The following FAM184B variants were observed in gnomAD, a reference collection of about 807,000 sequenced individuals.
FAM184B encodes the protein family with sequence similarity 184 member B.
FAM184B carries 111 observed loss-of-function variants against 135.9 expected under a neutral mutation model. The observed-to-expected ratio is 0.82, with a 90% CI of 0.70 to 0.96. FAM184B has a LOEUF of 0.96. Ranked by LOEUF, FAM184B falls within the 40% of genes least tolerant of loss-of-function variation. The pLI, the probability that FAM184B is intolerant of heterozygous loss-of-function variation, is 0.00. For synonymous variants in FAM184B, 552 were observed against 524.8 expected (o/e 1.05, Z -0.71); for missense variants, 1,375 against 1,323.9 (o/e 1.04, Z -0.60).
chr4:17,732,400 T>G (rs1468813067), intron 1 of FAM184B, among the ~76,000 whole-genome samples: 3 of 152,176 alleles, frequency 2.0e-5, no homozygotes, highest in African/African-American at 7.2e-5. Flanking sequence ...ATCCAGGAGC[T>G]GGTTTTTTGA....
intron 8 of FAM184B, 45 bp from the exon 9 acceptor site, chr4:17,660,132 G>C: frequency 6.5e-7 from 1 of 1,545,502 alleles, no homozygotes; most frequent in Non-Finnish European, 8.7e-7. Context: ...CCTAGGGCTA[G>C]GAATGACACT....
At chr4:17,710,055 G>A (rs1357701392) in intron 1 of FAM184B, among the ~76,000 whole-genome samples, 1 of 152,144 alleles carries the variant, frequency 6.6e-6, no homozygotes, top group Non-Finnish European at 1.5e-5. Flanking sequence ...GCCAGGTGCG[G>A]TGGCTCACGG....
chr4:17,688,959 C>T (rs759594666), intron 6 of FAM184B, among the ~76,000 whole-genome samples: 34 of 152,134 alleles, frequency 2.2e-4, no homozygotes, highest in Non-Finnish European at 4.6e-4. Flanking sequence ...TCCAAAAGGG[C>T]TGGGATTATA....
Position 17,707,610 on chromosome 4 carries a change from C to A in FAM184B, c.1030+39G>T, listed in dbSNP as rs202010283. ...AGCACCAGACCAACCTGGCAGCTAACCTTGGGTCTTTTAAGGAAATCATTC... is the reference window on the plus strand; with the variant it reads ...AGCACCAGACCAACCTGGCAGCTAAACTTGGGTCTTTTAAGGAAATCATTC... On this transcript the variant is annotated intron_variant, in intron 3 of 17. Coordinates refer to ENST00000265018, the MANE Select transcript of FAM184B (RefSeq NM_015688.2). The A allele has an allele frequency of 2.0e-3, 3,033 of 1,549,226 alleles. 76 individuals carry two copies. In the South Asian group the frequency reaches 0.031, roughly 16 times the overall value.
intron 7 of FAM184B, among the ~76,000 whole-genome samples, chr4:17,673,723 A>G (rs528341899): frequency 6.6e-6 from 1 of 152,196 alleles, no homozygotes; most frequent in Non-Finnish European, 1.5e-5. Flanking sequence ...ATGATGATGC[A>G]AAGGCATAAG....
chr4:17,720,717 C>A (rs748439150), intron 1 of FAM184B, among the ~76,000 whole-genome samples: 3 of 151,572 alleles, frequency 2.0e-5, no homozygotes, highest in Non-Finnish European at 4.4e-5. Context: ...GAAACCCCGT[C>A]TCTACTAAAA....
intron 13 of FAM184B, among the ~76,000 whole-genome samples, chr4:17,641,073 G>A (rs980100846): frequency 8.5e-5 from 13 of 152,094 alleles, no homozygotes; most frequent in African/African-American, 1.4e-4. Context: ...AGCCGGGACT[G>A]CAGGCATGCA....
At chr4:17,709,759 G>A in intron 1 of FAM184B, 115 bp from the exon 2 acceptor site, 8 of 968,250 alleles carry the variant, frequency 8.3e-6, no homozygotes, top group Non-Finnish European at 1.1e-5. Context: ...TGGCACCTGA[G>A]AAGAGGATTT....
intron 7 of FAM184B, among the ~76,000 whole-genome samples, chr4:17,665,305 G>A (rs545588601): frequency 1.3e-5 from 2 of 152,266 alleles, no homozygotes; most frequent in African/African-American, 4.8e-5. Flanking sequence ...TTAACAATGA[G>A]GCTTCTGAAT....
intron 1 of FAM184B, among the ~76,000 whole-genome samples, chr4:17,755,173 A>C (rs572254927): frequency 6.6e-6 from 1 of 152,288 alleles, no homozygotes; most frequent in South Asian, 2.1e-4. Context: ...ATTCTTTTAT[A>C]CCTCAATTTG....
At chr4:17,659,907 G>A in intron 9 of FAM184B, 51 bp downstream of exon 9, 5 of 1,541,568 alleles carry the variant, frequency 3.2e-6, no homozygotes, top group Non-Finnish European at 4.4e-6. Flanking sequence ...TTGTAAAAAG[G>A]AGGGGGCAGG....
At chr4:17,731,141 C>T (rs905072230) in intron 1 of FAM184B, among the ~76,000 whole-genome samples, 2 of 152,126 alleles carry the variant, frequency 1.3e-5, no homozygotes, top group Non-Finnish European at 2.9e-5. Context: ...GATTTTGTCA[C>T]CACCAGGTCT....
At chr4:17,681,559 A>G (rs889875539) in intron 7 of FAM184B, among the ~76,000 whole-genome samples, 11 of 152,180 alleles carry the variant, frequency 7.2e-5, no homozygotes, top group Non-Finnish European at 1.6e-4. Flanking sequence ...AGGATGTCAC[A>G]GTTGTTTAAG....
intron 7 of FAM184B, among the ~76,000 whole-genome samples, chr4:17,672,376 G>T (rs1393630401): frequency 6.6e-6 from 1 of 152,126 alleles, no homozygotes; most frequent in Non-Finnish European, 1.5e-5. Flanking sequence ...TTATCTGATT[G>T]CTCTGGTTAG....
At chr4:17,657,691 C>G (rs1398684528) in intron 10 of FAM184B, among the ~76,000 whole-genome samples, 1 of 124,964 alleles carries the variant, frequency 8.0e-6, no homozygotes, top group East Asian at 2.7e-4. Flanking sequence ...GAGTCTTGCT[C>G]TGTCACCCAG....
intron 12 of FAM184B, among the ~76,000 whole-genome samples, chr4:17,644,046 T>A (rs1715396805): frequency 6.6e-6 from 1 of 152,178 alleles, no homozygotes; most frequent in Admixed American, 6.5e-5. Flanking sequence ...GCATGAGATA[T>A]GCTGGGCAGC....
In FAM184B at chr4:17,709,500, C is replaced by T. The variant is rs1362597957; in HGVS notation, c.286G>A (p.Ala96Thr). ...AGGGCCTGGATGCGCTGTAGAAGGG[C>T]TTCCTCCTCTGCGCAGCCCTGTTCC... Reference protein sequence around the residue: ...LQEQGCAEEEALLQRIQALES... With the variant: ...LQEQGCAEEETLLQRIQALES... Residue 96 changes from alanine (A) to threonine (T), a missense_variant, in exon 2 of 18, where the codon GCC becomes ACC. Ala to Thr is a moderately conservative substitution (Grantham distance 58, BLOSUM62 0). Transcript: ENST00000265018. The T allele has an allele frequency of 1.5e-5, 24 of 1,550,412 alleles. No homozygotes were observed. Among genetic ancestry groups the T allele is most frequent in the Non-Finnish European group, 2.0e-5 (23 of 1,146,576 alleles).
At chr4:17,709,713 G>A (rs1717213133) in intron 1 of FAM184B, 69 bp from the exon 2 acceptor site, 2 of 1,355,264 alleles carry the variant, frequency 1.5e-6, no homozygotes, top group South Asian at 3.1e-5. Flanking sequence ...AGGGGACAGA[G>A]CAATATTCTC....
chr4:17,676,102 C>T (rs1346413410), intron 7 of FAM184B, among the ~76,000 whole-genome samples: 1 of 152,214 alleles, frequency 6.6e-6, no homozygotes, highest in Non-Finnish European at 1.5e-5. Flanking sequence ...TTTTGACATG[C>T]CTTCCTTGCT....
Sources: gnomAD v4.1 joint callset for allele counts (sites outside exome capture counted in the v4.1 genomes callset) on GRCh38, gnomAD v4.1.1 for gene constraint, MANE v1.5 for transcripts, NCBI Gene and HGNC (gene_info 2026-07-23, HGNC 2026-07-21) for gene names.